OR7A10: variants seen among roughly 807,000 people sequenced by gnomAD.
OR7A10 encodes olfactory receptor family 7 subfamily A member 10, also known as olfactory receptor 7A10.
For synonymous variants in OR7A10, 144 were observed against 144.5 expected, an observed-to-expected ratio of 1.00 and a Z score of 0.02; for missense variants, 358 against 370.1, an observed-to-expected ratio of 0.97 and a Z score of 0.27.
At position 14,841,059 on chromosome 19, in the gene OR7A10, TGCA is replaced by T. The variant is rs1265961953; in HGVS notation, c.816_818del (p.Ala274del). On this transcript the variant is annotated inframe_deletion, in exon 2 of 2. Transcript: ENST00000641129. ...TGACCACAGTGTACATCACTGAGGC[TGCA>T]GCACCTGTGTGTGAATTGTGGGTGG... The T allele has an allele frequency of 1.2e-6, 2 of 1,614,124 alleles. No individual in the cohort carries two copies. Among genetic ancestry groups the T allele is most frequent in the Non-Finnish European group, 1.7e-6 (2 of 1,179,986 alleles).
chr19:14,844,664 G>GATTTTTTTTTTTTTTTTTTTTTTTTTTT (rs1555697163), intron 1 of OR7A10, among the ~76,000 whole-genome samples: 1 of 97,660 alleles, frequency 1.0e-5, no homozygotes, highest in African/African-American at 4.0e-5. Context: ...TGAGTTCTGT[G>GATTTTTTTTTTTTTTTTTTTTTTTTTTT]TTTTTTTTTT....
Position 14,841,868 on chromosome 19 carries a change from AT to A in OR7A10, c.9del (p.Trp4GlyfsTer5), listed in dbSNP as rs372403003. MKSWNNTIILEFL... is the reference protein window; with the variant it reads MKXWNNTIILEFL... Reference sequence around the variant, plus strand: ...AATTCTAAAATTATTGTATTGTTCCATGATTTCATCTTGTGATGTGACTACC... The same window carrying A: ...AATTCTAAAATTATTGTATTGTTCCAGATTTCATCTTGTGATGTGACTACC... On this transcript the variant is annotated frameshift_variant, in exon 2 of 2. Coordinates refer to ENST00000641129, the MANE Select transcript of OR7A10 (RefSeq NM_001005190.2). LOFTEE classifies it low-confidence loss of function (END_TRUNC). 8.0e-5 allele frequency: 128 copies of A among 1,592,326 alleles called. 1 individual carries two copies. In the African/African-American group the frequency reaches 1.3e-3, roughly 16 times the overall value.
intron 1 of OR7A10, among the ~76,000 whole-genome samples, chr19:14,845,370 G>T (rs1014563056): frequency 1.3e-5 from 2 of 152,096 alleles, no homozygotes; most frequent in African/African-American, 4.8e-5. Context: ...AGCTACTGGG[G>T]AGGCTGAGGC....
chr19:14,845,065 ACACAAAC>A (rs1219703933), intron 1 of OR7A10, among the ~76,000 whole-genome samples: 1 of 135,234 alleles, frequency 7.4e-6, no homozygotes, highest in African/African-American at 2.9e-5. Flanking sequence ...ACACACACAC[ACACAAAC>A]ACACACACAC....
At position 14,841,951 on chromosome 19, in the gene OR7A10, C is replaced by CA. The variant is rs202164856; in HGVS notation, c.-12-63dup. On this transcript the variant is annotated intron_variant, in intron 1 of 1. Transcript: ENST00000641129. ...AAGAACATGAAACAAACATGCATTCCAAAACTATCAGAAATGTTATCATTT... is the reference window on the plus strand; with the variant it reads ...AAGAACATGAAACAAACATGCATTCCAAAAACTATCAGAAATGTTATCATTT... The CA allele has an allele frequency of 4.3e-6, 4 of 934,922 alleles. No homozygotes were observed. In the African/African-American group the frequency reaches 6.7e-5, roughly 16 times the overall value. The allele number at this position is 934,922 out of a possible 1,614,324, so 57.9% of individuals were successfully genotyped here. A position where few individuals can be genotyped will look rare whatever the true frequency, so the allele number is the denominator to read the frequency against.
In OR7A10 at chr19:14,840,897, T is replaced by C; in HGVS notation, c.*51A>G. 7.7e-7 allele frequency: 1 copy of C among 1,301,040 alleles called. No homozygotes were observed. 80.6% of individuals were successfully genotyped at this position (1,301,040 alleles called of 1,614,324 possible). ...TTATTAACAAATCACCATTTCTGGC[T>C]CTGGGGCTTAGAGCTCTGAAGTCAC... On this transcript the variant is annotated 3_prime_UTR_variant, in exon 2 of 2. Transcript: ENST00000641129.
At chr19:14,845,063 A>G (rs1205008041) in intron 1 of OR7A10, among the ~76,000 whole-genome samples, 2 of 134,240 alleles carry the variant, frequency 1.5e-5, no homozygotes, top group African/African-American at 5.8e-5. Context: ...ACACACACAC[A>G]CACACAAACA....
chr19:14,841,918 G>T, intron 1 of OR7A10, 29 bp from the exon 2 acceptor site: 1 of 1,360,986 alleles, frequency 7.3e-7, no homozygotes, highest in Non-Finnish European at 1.0e-6. Context: ...GAGAGAGAGA[G>T]AGAGTGAAAG....
rs376564482 is a variant in OR7A10, at chr19:14,841,325, C to T, written c.553G>A (p.Val185Ile). ...AAGGTGTCAGAACAGGCAAGGTGGA[C>T]CACCTGATTAATTTCACAGAAAAAA... ...PHFFCEINQVVHLACSDTFLN... is the reference protein window; with the variant it reads ...PHFFCEINQVIHLACSDTFLN... Residue 185 changes from valine to isoleucine, a missense_variant, in exon 2 of 2, where the codon GTC (valine) becomes ATC (isoleucine). Val to Ile is a conservative substitution (Grantham distance 29). Coordinates refer to ENST00000641129, the MANE Select transcript of OR7A10 (RefSeq NM_001005190.2). The T allele has an allele frequency of 6.2e-6, 10 of 1,613,992 alleles. No homozygotes were observed. The African/African-American group carries it at 1.3e-4, about 22-fold the overall frequency.
rs199854060 is a variant in OR7A10, at chr19:14,841,120, C to G, written c.758G>C (p.Gly253Ala). Residue 253 changes from glycine (G) to alanine (A), a missense_variant, in exon 2 of 2, where the codon GGT becomes GCT. Coordinates refer to ENST00000641129, the MANE Select transcript of OR7A10 (RefSeq NM_001005190.2). ...ACTAAGGTACACCCCTAAGCATGTA[C>G]CATAAAATAAGGAGACAACTGAGAG... is the stretch of plus-strand genomic sequence containing the variant. ...SHLSVVSLFY[G>A]TCLGVYLSSA... 17 of 1,613,864 alleles carry G rather than the reference C, an allele frequency of 1.1e-5. No individual in the cohort carries two copies. In the East Asian group the frequency reaches 3.8e-4, roughly 36 times the overall value.
chr19:14,841,589 A>G lies in OR7A10; in HGVS notation c.289T>C (p.Cys97Arg), dbSNP rs777163717. ...THNKVITYAG[C>R]ITQMCFFLLF... ...AAGAAAAAGCACATCTGGGTGATGC[A>G]GCCTGCATAGGTGATGACTTTGTTG... The change falls in exon 2 of 2, where the codon TGC becomes CGC. Residue 97 changes from cysteine (C) to arginine (R), a missense_variant. By Grantham distance (180) the Cys-to-Arg change is radical (BLOSUM62 -3). Transcript: ENST00000641129. 9.9e-6 allele frequency: 16 copies of G among 1,614,092 alleles called. No homozygotes were observed. The Admixed American group carries it at 2.2e-4, about 22-fold the overall frequency.
chr19:14,844,782 C>G (rs370396719), intron 1 of OR7A10, among the ~76,000 whole-genome samples: 35 of 150,482 alleles, frequency 2.3e-4, no homozygotes, highest in Admixed American at 1.4e-3. Context: ...CCTGCCTCAG[C>G]CCCCTGAGTA....
chr19:14,848,176 C>G (rs568656662), intron 1 of OR7A10, among the ~76,000 whole-genome samples: 1 of 151,960 alleles, frequency 6.6e-6, no homozygotes, highest in South Asian at 2.1e-4. Flanking sequence ...TAATACCCTA[C>G]TTCTCTTTCC....
rs1187345340 is a variant in OR7A10 at position 14,841,211 on chromosome 19, A to G, written c.667T>C (p.Ser223Pro). 3 of 1,614,058 alleles carry G rather than the reference A, an allele frequency of 1.9e-6. No individual in the cohort carries two copies. The Admixed American group carries it at 5.0e-5, about 27-fold the overall frequency. ...GILYSYSKIV[S>P]SIRAISSAQG... is the part of the protein sequence containing the mutation. The stretch of plus-strand genomic sequence containing the variant: ...GCTGATGAGATTGCACGTATGGAGG[A>G]AACTATCTTAGAGTAAGAGTACAGG... The change falls in exon 2 of 2, where the codon TCC (serine) becomes CCC (proline). Residue 223 changes from serine (S) to proline (P), a missense_variant. By Grantham distance (74) the Ser-to-Pro change is moderately conservative. Transcript: ENST00000641129.
rs1184153841 is a variant in OR7A10, at chr19:14,841,660, A to C, written c.218T>G (p.Phe73Cys). The change falls in exon 2 of 2, where the codon TTT becomes TGT. Residue 73 changes from phenylalanine to cysteine, a missense_variant. Coordinates refer to ENST00000641129, the MANE Select transcript of OR7A10 (RefSeq NM_001005190.2). ...LSNLSFVDIC[F>C]VSTTVPKMLV... ...CATCTTCGGGACAGTGGTAGAGACA[A>C]AACAGATGTCTACGAAGGACAGGTT... 6.2e-7 allele frequency: 1 copy of C among 1,614,050 alleles called. No individual in the cohort carries two copies. Among genetic ancestry groups the C allele is most frequent in the Non-Finnish European group, 8.5e-7 (1 of 1,180,046 alleles).
chr19:14,840,786 A>G lies in OR7A10; in HGVS notation c.*162T>C. 1 of 532,404 alleles carries G rather than the reference A, an allele frequency of 1.9e-6. No homozygotes were observed. The allele number at this position is 532,404 out of a possible 1,614,324, so 33.0% of individuals were successfully genotyped here. A position where few individuals can be genotyped will look rare whatever the true frequency, so the allele number is the denominator to read the frequency against. On this transcript the variant is annotated 3_prime_UTR_variant, in exon 2 of 2. Transcript: ENST00000641129. ...GGTCATCTCTGACTCTAAGAAGAAC[A>G]GTGTAAGCTCTATAAAGTAGTTGAG...
chr19:14,845,695 A>G (rs1000590078), intron 1 of OR7A10, among the ~76,000 whole-genome samples: 1 of 152,154 alleles, frequency 6.6e-6, no homozygotes, highest in Non-Finnish European at 1.5e-5. Flanking sequence ...TACAGCTATA[A>G]ATACTAAAAA....
chr19:14,841,315 G>A lies in OR7A10; in HGVS notation c.563C>T (p.Ala188Val), dbSNP rs1285347796. 2 of 1,614,164 alleles carry A rather than the reference G, an allele frequency of 1.2e-6. No individual in the cohort carries two copies. The highest frequency in any genetic ancestry group is 8.5e-7 in the Non-Finnish European group (1 of 1,180,022). Reference sequence around the variant, plus strand: ...GTCATTAAGAAAGGTGTCAGAACAGGCAAGGTGGACCACCTGATTAATTTC... The same window carrying A: ...GTCATTAAGAAAGGTGTCAGAACAGACAAGGTGGACCACCTGATTAATTTC... ...FCEINQVVHL[A>V]CSDTFLNDIV... is the part of the protein sequence containing the mutation. Residue 188 changes from alanine to valine, a missense_variant, in exon 2 of 2, where the codon GCC becomes GTC. Physicochemically the swap from Ala to Val is moderately conservative, Grantham distance 64. Coordinates refer to ENST00000641129, the MANE Select transcript of OR7A10 (RefSeq NM_001005190.2).
Position 14,841,177 on chromosome 19 carries a change from T to G in OR7A10, c.701A>C (p.Lys234Thr), listed in dbSNP as rs767544329. The change falls in exon 2 of 2, where the codon AAG (lysine) becomes ACG (threonine). Residue 234 changes from lysine to threonine, a missense_variant. By Grantham distance (78) the Lys-to-Thr change is moderately conservative. Transcript: ENST00000641129. The part of the protein sequence containing the change: ...SIRAISSAQG[K>T]YKAFSTCASH... Reference sequence around the variant, plus strand: ...TGCACAGGTGGAAAATGCCTTATACTTCCCCTGAGCTGATGAGATTGCACG... The same window carrying G: ...TGCACAGGTGGAAAATGCCTTATACGTCCCCTGAGCTGATGAGATTGCACG... 3.1e-6 allele frequency: 5 copies of G among 1,614,152 alleles called. No individual in the cohort carries two copies. Among genetic ancestry groups the G allele is most frequent in the Non-Finnish European group, 3.4e-6 (4 of 1,180,026 alleles).
Sources: gnomAD v4.1 joint callset for allele counts (sites outside exome capture counted in the v4.1 genomes callset) on GRCh38, gnomAD v4.1.1 for gene constraint, MANE v1.5 for transcripts, NCBI Gene and HGNC (gene_info 2026-07-23, HGNC 2026-07-21) for gene names.